Variants in DLG2 observed in about 807,000 individuals in gnomAD.
DLG2 encodes discs large MAGUK scaffold protein 2.
A neutral mutation model predicts 132.5 loss-of-function variants in DLG2; 45 were observed. The observed-to-expected ratio is 0.34, with a 90% CI of 0.27 to 0.44. The LOEUF is 0.44. Ranked by LOEUF, DLG2 falls within the 20% of genes least tolerant of loss-of-function variation. The probability of loss-of-function intolerance (pLI) is 1.00; values close to 1 mark genes in which losing one functional copy is unlikely to be tolerated. For missense variants in DLG2, 1,045 were observed against 1,196.9 expected (o/e 0.87, Z 1.87); for synonymous variants, 424 against 419.6 (o/e 1.01, Z -0.13).
At chr11:84,889,641 TTTAAA>T (rs1202021161) in intron 6 of DLG2, among the ~76,000 whole-genome samples, 3 of 152,168 alleles carry the variant, frequency 2.0e-5, no homozygotes, top group Non-Finnish European at 2.9e-5. Context: ...AATTTAATTT[TTTAAA>T]TTAAATTAAA....
intron 6 of DLG2, among the ~76,000 whole-genome samples, chr11:84,797,280 G>A (rs554963747): frequency 2.8e-4 from 42 of 152,118 alleles, no homozygotes; most frequent in African/African-American, 9.2e-4. Flanking sequence ...CTCTAGATTT[G>A]GGAAGTTCTC....
chr11:83,609,504 T>G (rs1236732111), intron 19 of DLG2, among the ~76,000 whole-genome samples: 1 of 152,202 alleles, frequency 6.6e-6, no homozygotes, highest in Non-Finnish European at 1.5e-5. Flanking sequence ...TTAGTTACAA[T>G]GTACACAAAG....
At position 84,240,126 on chromosome 11, in the gene DLG2, T is replaced by C. The variant is rs561151359; in HGVS notation, c.573+11112A>G. ...CATTGCTTTAAACGGACGAACAATG[T>C]CCATCTCTGTACTTCTTTTAACCTG... On this transcript the variant is annotated intron_variant, in intron 8 of 27. Transcript: ENST00000376104. 1.5e-4 allele frequency among the ~76,000 whole-genome samples: 23 copies of C among 152,316 alleles called. No individual in the cohort carries two copies. In the Middle Eastern group the frequency reaches 0.01, roughly 68 times the overall value.
rs543051691 is a variant in DLG2, at chr11:83,459,560, G to A, written c.*258C>T. On this transcript the variant is annotated 3_prime_UTR_variant, in exon 28 of 28. Coordinates refer to ENST00000376104, the MANE Select transcript of DLG2 (RefSeq NM_001142699.3). Reference sequence around the variant, plus strand: ...ATCTCATCTCTTGGGCAGAAAGCCCGTCAGAGGTTCATCCCTACACCTGGC... The same window carrying A: ...ATCTCATCTCTTGGGCAGAAAGCCCATCAGAGGTTCATCCCTACACCTGGC... 1.2e-4 allele frequency: 36 copies of A among 296,582 alleles called. No homozygotes were observed. Among genetic ancestry groups the A allele is most frequent in the African/African-American group, 4.5e-4 (21 of 46,654 alleles). The allele number at this position is 296,582 out of a possible 1,614,324, so 18.4% of individuals were successfully genotyped here. A position where few individuals can be genotyped will look rare whatever the true frequency, so the allele number is the denominator to read the frequency against.
At chr11:84,537,298 G>T (rs770767896) in intron 6 of DLG2, among the ~76,000 whole-genome samples, 10 of 151,880 alleles carry the variant, frequency 6.6e-5, no homozygotes, top group Non-Finnish European at 1.3e-4. Context: ...GTAGAGCCGG[G>T]GTTTCACCAT....
At chr11:84,444,309 A>G (rs1308607253) in intron 7 of DLG2, among the ~76,000 whole-genome samples, 1 of 152,166 alleles carries the variant, frequency 6.6e-6, no homozygotes, top group Non-Finnish European at 1.5e-5. Flanking sequence ...CTGCGCAGCA[A>G]AACACCATGG....
intron 7 of DLG2, among the ~76,000 whole-genome samples, chr11:84,251,636 TC>T (rs1598388301): frequency 1.8e-5 from 1 of 54,756 alleles, no homozygotes; most frequent in Non-Finnish European, 4.2e-5. Flanking sequence ...TTGTATCTTT[TC>T]TTTCTTTTTT....
At chr11:83,963,051 A>G (rs766714419) in intron 13 of DLG2, 28 bp from the exon 14 acceptor site, 47 of 1,609,518 alleles carry the variant, frequency 2.9e-5, no homozygotes, top group Non-Finnish European at 4.0e-5. Context: ...AAGAGAAAAG[A>G]AACCTGTTAT....
At position 84,315,333 on chromosome 11, in the gene DLG2, G is replaced by A. The variant is rs147214376; in HGVS notation, c.520-64042C>T. ...TTGGGTTTGGGAAATTACCATTTAC[G>A]AAATAAAAAGTATGTTACATCTTGG... is the stretch of plus-strand genomic sequence containing the variant. On this transcript the variant is annotated intron_variant, in intron 7 of 27. Coordinates refer to ENST00000376104, the MANE Select transcript of DLG2 (RefSeq NM_001142699.3). Among the ~76,000 whole-genome samples the A allele has an allele frequency of 7.1e-3, 1,087 of 152,138 alleles. 17 individuals are homozygous for A. The highest frequency in any genetic ancestry group is 0.025 in the African/African-American group (1,040 of 41,544).
chr11:84,443,138 T>G (rs2154478401), intron 7 of DLG2, among the ~76,000 whole-genome samples: 1 of 152,162 alleles, frequency 6.6e-6, no homozygotes, highest in Middle Eastern at 3.4e-3. Flanking sequence ...TCAAAACTCA[T>G]TCTTCAACAG....
At chr11:85,612,928 A>G (rs1472754763) in intron 2 of DLG2, among the ~76,000 whole-genome samples, 1 of 152,188 alleles carries the variant, frequency 6.6e-6, no homozygotes, top group African/African-American at 2.4e-5. Context: ...CTTTGGCAGC[A>G]GTGACTCTCC....
chr11:85,496,228 T>C (rs2093665309), intron 3 of DLG2, among the ~76,000 whole-genome samples: 1 of 152,144 alleles, frequency 6.6e-6, no homozygotes, highest in Non-Finnish European at 1.5e-5. Context: ...GTCTTCACAA[T>C]CAGCAGACAA....
chr11:84,167,501 T>A (rs1047563306), intron 8 of DLG2, among the ~76,000 whole-genome samples: 8 of 152,174 alleles, frequency 5.3e-5, no homozygotes, highest in Admixed American at 2.6e-4. Context: ...GAGATATATT[T>A]TTATCTCCTG....
intron 6 of DLG2, among the ~76,000 whole-genome samples, chr11:84,649,792 T>G (rs954916119): frequency 6.6e-6 from 1 of 152,214 alleles, no homozygotes; most frequent in Non-Finnish European, 1.5e-5. Flanking sequence ...GCATGCTTTA[T>G]GCCTGCAATC....
chr11:83,512,961 T>C (rs1028709755), intron 21 of DLG2, among the ~76,000 whole-genome samples: 1 of 152,228 alleles, frequency 6.6e-6, no homozygotes, highest in Non-Finnish European at 1.5e-5. Context: ...TTCCAAGTCT[T>C]TGCTATTGTG....
intron 8 of DLG2, among the ~76,000 whole-genome samples, chr11:84,185,258 A>G (rs80307605): frequency 1.3e-5 from 2 of 151,974 alleles, no homozygotes; most frequent in African/African-American, 4.8e-5. Context: ...GAGCAGTGAT[A>G]TGTAGTTCTC....
intron 17 of DLG2, among the ~76,000 whole-genome samples, chr11:83,801,768 C>T (rs2044458885): frequency 6.6e-6 from 1 of 152,038 alleles, no homozygotes; most frequent in Non-Finnish European, 1.5e-5. Context: ...TCTCACCCAC[C>T]CCGAGAAAAG....
At chr11:84,373,052 T>C (rs1000191706) in intron 7 of DLG2, among the ~76,000 whole-genome samples, 1 of 150,724 alleles carries the variant, frequency 6.6e-6, no homozygotes, top group Non-Finnish European at 1.5e-5. Flanking sequence ...GAAAAATAAC[T>C]GAAGGAAAGA....
intron 6 of DLG2, among the ~76,000 whole-genome samples, chr11:85,103,978 A>G (rs2071293153): frequency 1.3e-5 from 2 of 151,848 alleles, no homozygotes; most frequent in African/African-American, 4.8e-5. Context: ...TCACTAATCA[A>G]TAGATAATTC....
Sources: gnomAD v4.1 joint callset for allele counts (sites outside exome capture counted in the v4.1 genomes callset) on GRCh38, gnomAD v4.1.1 for gene constraint, MANE v1.5 for transcripts, NCBI Gene and HGNC (gene_info 2026-07-23, HGNC 2026-07-21) for gene names.